Variants in CPEB4 observed in about 807,000 individuals in gnomAD.
The protein encoded by CPEB4 is cytoplasmic polyadenylation element binding protein 4.
CPEB4 carries 12 observed loss-of-function variants against 72.5 expected under a neutral mutation model. That is an observed-to-expected ratio of 0.17 (90% CI 0.11 to 0.27). The LOEUF is 0.27. Ranked by LOEUF, CPEB4 falls within the 10% of genes least tolerant of loss-of-function variation. The probability of loss-of-function intolerance (pLI) is 1.00; values close to 1 mark genes in which losing one functional copy is unlikely to be tolerated. For missense variants in CPEB4, 614 were observed against 908.5 expected (o/e 0.68, Z 4.17); for synonymous variants, 302 against 326.3 (o/e 0.93, Z 0.80).
chr5:173,939,609 T>A (rs972329934), intron 3 of CPEB4, among the ~76,000 whole-genome samples: 2 of 152,186 alleles, frequency 1.3e-5, no homozygotes, highest in Non-Finnish European at 1.5e-5. Flanking sequence ...TAGAGGGAAT[T>A]TGATTCTGCA....
chr5:173,943,000 T>C (rs761241451), intron 3 of CPEB4, 26 bp from the exon 4 acceptor site: 1 of 1,605,904 alleles, frequency 6.2e-7, no homozygotes, highest in Non-Finnish European at 8.5e-7. Context: ...TTTTTTGTTT[T>C]TGTTTTTTTC....
At chr5:173,902,957 T>C (rs918183115) in intron 1 of CPEB4, among the ~76,000 whole-genome samples, 4 of 152,150 alleles carry the variant, frequency 2.6e-5, no homozygotes, top group East Asian at 3.8e-4. Context: ...TATCCTTTGT[T>C]TAGACTGTTT....
intron 1 of CPEB4, among the ~76,000 whole-genome samples, chr5:173,907,223 C>T (rs1422283666): frequency 5.3e-5 from 8 of 152,138 alleles, no homozygotes; most frequent in African/African-American, 9.7e-5. Flanking sequence ...GCCTAGATCA[C>T]GCTACTGCAC....
chr5:173,956,283 A>T lies in CPEB4; in HGVS notation c.*146A>T. The stretch of plus-strand genomic sequence containing the variant: ...TAGTATAATGAAAAGAATGACCTAT[A>T]ATATAGGTGTTTTGTAGATTCTTGT... On this transcript the variant is annotated 3_prime_UTR_variant, in exon 10 of 10. Coordinates refer to ENST00000265085, the MANE Select transcript of CPEB4 (RefSeq NM_030627.4). The T allele has an allele frequency of 1.6e-6, 1 of 609,326 alleles. No homozygotes were observed. The highest frequency in any genetic ancestry group is 2.9e-6 in the Non-Finnish European group (1 of 347,524). 37.7% of individuals were successfully genotyped at this position (609,326 alleles called of 1,614,324 possible). A position where few individuals can be genotyped will look rare whatever the true frequency, so the allele number is the denominator to read the frequency against.
rs1242777458 is a variant in CPEB4, at chr5:173,955,761, C to G, written c.1963-149C>G. 2 of 571,348 alleles carry G rather than the reference C, an allele frequency of 3.5e-6. No homozygotes were observed. The highest frequency in any genetic ancestry group is 6.1e-6 in the Non-Finnish European group (2 of 329,104). The allele number at this position is 571,348 out of a possible 1,614,324, so 35.4% of individuals were successfully genotyped here. A position where few individuals can be genotyped will look rare whatever the true frequency, so the allele number is the denominator to read the frequency against. ...CCTTACTAGGTTCTTAAAAGATGAA[C>G]TATCCATATTTCAGTAAATGAATAA... On this transcript the variant is annotated intron_variant, in intron 9 of 9. Coordinates refer to ENST00000265085, the MANE Select transcript of CPEB4 (RefSeq NM_030627.4). The surrounding 1 kb of genome is among the most constrained non-coding windows in gnomAD (Gnocchi z 4.7).
At chr5:173,897,802 TG>T (rs958504516) in intron 1 of CPEB4, among the ~76,000 whole-genome samples, 2 of 152,182 alleles carry the variant, frequency 1.3e-5, no homozygotes, top group Admixed American at 1.3e-4. Flanking sequence ...ATAATGTTTT[TG>T]GAAAAATATT....
At chr5:173,933,168 C>T (rs1757503838) in intron 3 of CPEB4, among the ~76,000 whole-genome samples, 1 of 152,118 alleles carries the variant, frequency 6.6e-6, no homozygotes, top group Non-Finnish European at 1.5e-5. Flanking sequence ...TACTTCTTTT[C>T]TACTAATTTG....
rs935318266 is a variant in CPEB4, at chr5:173,936,789, T to C, written c.1258+4289T>C. 2.0e-5 allele frequency among the ~76,000 whole-genome samples: 3 copies of C among 151,570 alleles called. No homozygotes were observed. In the East Asian group the frequency reaches 5.8e-4, roughly 29 times the overall value. On this transcript the variant is annotated intron_variant, in intron 3 of 9. Transcript: ENST00000265085. ...TTACCTAAGAAACCACCACCACCTC[T>C]GTATAAAAATGCTTGTGCATTATAC...
At chr5:173,910,727 AT>A (rs1756626849) in intron 2 of CPEB4, 123 bp downstream of exon 2, 1 of 661,792 alleles carries the variant, frequency 1.5e-6, no homozygotes, top group African/African-American at 1.8e-5. Flanking sequence ...AGTTCTATCA[AT>A]TTTACACATA....
intron 2 of CPEB4, among the ~76,000 whole-genome samples, chr5:173,912,123 T>A (rs1756686857): frequency 6.6e-6 from 1 of 152,194 alleles, no homozygotes; most frequent in Admixed American, 6.5e-5. Context: ...TTCTGGTGGA[T>A]GACTTTAGTG....
chr5:173,953,883 G>A (rs1758290976), intron 9 of CPEB4, among the ~76,000 whole-genome samples: 1 of 152,174 alleles, frequency 6.6e-6, no homozygotes, highest in African/African-American at 2.4e-5. Flanking sequence ...TCACTTGCCA[G>A]TACTACTCAG....
At chr5:173,907,294 C>A (rs768806855) in intron 1 of CPEB4, among the ~76,000 whole-genome samples, 3 of 152,072 alleles carry the variant, frequency 2.0e-5, no homozygotes, top group Non-Finnish European at 4.4e-5. Context: ...ACAACAACAA[C>A]AAAACCTGTA....
chr5:173,922,484 G>T (rs1757107168), intron 2 of CPEB4, among the ~76,000 whole-genome samples: 1 of 152,184 alleles, frequency 6.6e-6, no homozygotes, highest in Non-Finnish European at 1.5e-5. Context: ...ACCTGCCTTG[G>T]CCTCCCAAAG....
intron 5 of CPEB4, among the ~76,000 whole-genome samples, chr5:173,948,177 G>A (rs1020691343): frequency 1.3e-5 from 2 of 152,182 alleles, no homozygotes; most frequent in Admixed American, 6.5e-5. Flanking sequence ...ACTAATATAT[G>A]TAGAAGGAAT....
At chr5:173,912,762 G>A (rs1756707794) in intron 2 of CPEB4, among the ~76,000 whole-genome samples, 1 of 149,630 alleles carries the variant, frequency 6.7e-6, no homozygotes, top group Non-Finnish European at 1.5e-5. Flanking sequence ...GGTGAGACCT[G>A]GTCTCTACAA....
rs1581170079 is a variant in CPEB4, at chr5:173,951,699, C to T, written c.1666-125C>T. 25 of 623,376 alleles carry T rather than the reference C, an allele frequency of 4.0e-5. No homozygotes were observed. The East Asian group carries it at 6.6e-4, about 16-fold the overall frequency. The allele number at this position is 623,376 out of a possible 1,614,324, so 38.6% of individuals were successfully genotyped here. ...CACTGTTTTTAAATCTTCTAGTTTCCCAGCTTTATTGACTTGTAATCATAG... is the reference window on the plus strand; with the variant it reads ...CACTGTTTTTAAATCTTCTAGTTTCTCAGCTTTATTGACTTGTAATCATAG... On this transcript the variant is annotated intron_variant, in intron 7 of 9. Coordinates refer to ENST00000265085, the MANE Select transcript of CPEB4 (RefSeq NM_030627.4).
chr5:173,952,236 C>T (rs1758237086), intron 8 of CPEB4, among the ~76,000 whole-genome samples: 1 of 152,142 alleles, frequency 6.6e-6, no homozygotes, highest in African/African-American at 2.4e-5. Flanking sequence ...AATTAGACGA[C>T]CAGTGCAAAG....
intron 1 of CPEB4, among the ~76,000 whole-genome samples, chr5:173,896,362 A>G (rs1224466822): frequency 6.6e-6 from 1 of 152,260 alleles, no homozygotes; most frequent in Non-Finnish European, 1.5e-5. Context: ...TTAGAGCAAT[A>G]TATTTTTTAA....
intron 5 of CPEB4, among the ~76,000 whole-genome samples, chr5:173,948,531 G>A (rs1425029973): frequency 6.6e-6 from 1 of 152,088 alleles, no homozygotes; most frequent in Non-Finnish European, 1.5e-5. Context: ...TGGTAGGAAA[G>A]GATGGCATTG....
Sources: allele counts gnomAD v4.1 joint callset (sites outside exome capture counted in the v4.1 genomes callset), GRCh38; gene constraint gnomAD v4.1.1; non-coding constraint Gnocchi (gnomAD v3.1); transcripts MANE v1.5; gene names NCBI Gene and HGNC (gene_info 2026-07-23, HGNC 2026-07-21).